Variants in VPS35L observed in about 807,000 individuals in gnomAD.
VPS35L encodes VPS35 endosomal protein sorting factor like, also known as VPS35 endosomal protein-sorting factor-like.
In VPS35L, 83 loss-of-function variants were observed where a neutral mutation model predicts 133.0. The ratio of observed to expected loss-of-function variants is 0.62; its 90% CI spans 0.52 to 0.75. The LOEUF (loss-of-function observed/expected upper bound fraction) is 0.75, where lower values mean the gene tolerates loss of function less well. Among genes scored for constraint, VPS35L ranks in the 30% least tolerant of loss-of-function variants. The probability of loss-of-function intolerance (pLI) is 0.00; values close to 1 mark genes in which losing one functional copy is unlikely to be tolerated. For missense variants in VPS35L, 1,083 were observed against 1,206.8 expected (o/e 0.90, Z 1.52); for synonymous variants, 423 against 449.9 (o/e 0.94, Z 0.76).
At chr16:19,561,764 C>T (rs890273691) in intron 1 of VPS35L, among the ~76,000 whole-genome samples, 1 of 152,080 alleles carries the variant, frequency 6.6e-6, no homozygotes, top group African/African-American at 2.4e-5. Flanking sequence ...AGCTGTTTTA[C>T]TGGGATGGGA....
At chr16:19,656,227 G>A (rs572897465) in intron 26 of VPS35L, among the ~76,000 whole-genome samples, 3 of 143,474 alleles carry the variant, frequency 2.1e-5, no homozygotes, top group African/African-American at 7.9e-5. Flanking sequence ...TATCACCACT[G>A]CACTCCAGCC....
At chr16:19,653,061 G>A (rs1209698438) in intron 26 of VPS35L, among the ~76,000 whole-genome samples, 1 of 152,232 alleles carries the variant, frequency 6.6e-6, no homozygotes, top group Non-Finnish European at 1.5e-5. Context: ...GGGAGGTGTT[G>A]TCAGACAGCC....
At chr16:19,601,557 A>C in intron 8 of VPS35L, 107 bp from the exon 9 acceptor site, 2 of 1,133,312 alleles carry the variant, frequency 1.8e-6, no homozygotes, top group South Asian at 2.9e-5. Flanking sequence ...TCACAAGTTA[A>C]AGCCTGTCTG....
chr16:19,616,349 G>A, intron 13 of VPS35L, among the ~76,000 whole-genome samples, 158 bp downstream of exon 13: 1 of 152,158 alleles, frequency 6.6e-6, no homozygotes, highest in East Asian at 1.9e-4. Flanking sequence ...CAATTAAAAT[G>A]TGTTGATTGT....
intron 5 of VPS35L, among the ~76,000 whole-genome samples, chr16:19,577,729 G>A (rs1313534132): frequency 6.6e-6 from 1 of 151,974 alleles, no homozygotes; most frequent in Non-Finnish European, 1.5e-5. Context: ...CATGAGGGTG[G>A]AACCCTCATG....
In VPS35L at chr16:19,639,379, A is replaced by G. The variant is rs1330634717; in HGVS notation, c.1699-636A>G. Among the ~76,000 whole-genome samples the G allele has an allele frequency of 6.6e-6, 1 of 152,208 alleles. No homozygotes were observed. The highest frequency in any genetic ancestry group is 2.4e-5 in the African/African-American group (1 of 41,454). Reference sequence around the variant, plus strand: ...GACTCTTCTTCCATTGCTCATCAATATAATCACAAAAAGACTGAAGTCTGC... The same window carrying G: ...GACTCTTCTTCCATTGCTCATCAATGTAATCACAAAAAGACTGAAGTCTGC... On this transcript the variant is annotated intron_variant, in intron 20 of 30. Transcript: ENST00000417362. The surrounding 1 kb of genome is among the most constrained non-coding windows in gnomAD (Gnocchi z 4.1).
chr16:19,647,947 C>A, intron 24 of VPS35L, 65 bp downstream of exon 24: 4 of 1,375,880 alleles, frequency 2.9e-6, no homozygotes, highest in South Asian at 1.2e-5. Context: ...ACATCCCAAT[C>A]ATTTATTTTG....
At chr16:19,677,546 T>C (rs974278825) in intron 27 of VPS35L, among the ~76,000 whole-genome samples, 3 of 152,068 alleles carry the variant, frequency 2.0e-5, no homozygotes, top group Non-Finnish European at 4.4e-5. Flanking sequence ...GAGAGGGCAT[T>C]CTGGGCCGAG....
In VPS35L at chr16:19,588,513, C is replaced by CT. The variant is rs140865700; in HGVS notation, c.640-3268dup. Among the ~76,000 whole-genome samples the CT allele has an allele frequency of 2.0e-5, 3 of 151,664 alleles. No individual in the cohort carries two copies. In the East Asian group the frequency reaches 5.8e-4, roughly 29 times the overall value. Reference sequence around the variant, plus strand: ...GGCCTGGGTGGTGTAAGTCTTTTAACTTTTTTTTTCTTCTTCTTTTTTTAA... The same window carrying CT: ...GGCCTGGGTGGTGTAAGTCTTTTAACTTTTTTTTTTCTTCTTCTTTTTTTAA... On this transcript the variant is annotated intron_variant, in intron 7 of 30. Coordinates refer to ENST00000417362, the MANE Select transcript of VPS35L (RefSeq NM_020314.7).
At chr16:19,641,501 A>G (rs565568841) in intron 21 of VPS35L, among the ~76,000 whole-genome samples, 1 of 152,340 alleles carries the variant, frequency 6.6e-6, no homozygotes, top group Admixed American at 6.5e-5. Flanking sequence ...TTTAAATATT[A>G]GGTGTATAGA....
At chr16:19,623,472 G>C (rs1973148828) in intron 14 of VPS35L, among the ~76,000 whole-genome samples, 1 of 152,104 alleles carries the variant, frequency 6.6e-6, no homozygotes, top group Non-Finnish European at 1.5e-5. Context: ...GTGATATTAG[G>C]GGTTAGGGCT....
chr16:19,635,395 A>C (rs932505960), intron 19 of VPS35L, among the ~76,000 whole-genome samples: 12 of 152,260 alleles, frequency 7.9e-5, no homozygotes, highest in Non-Finnish European at 1.2e-4. Flanking sequence ...AATAAAACCC[A>C]AAAACCCCAC....
chr16:19,627,668 C>T (rs758418066), intron 15 of VPS35L, 26 bp from the exon 16 acceptor site: 1 of 1,549,528 alleles, frequency 6.5e-7, no homozygotes, highest in Non-Finnish European at 8.9e-7. Context: ...AGAAGCCAGG[C>T]TGACTTGGGG....
intron 26 of VPS35L, among the ~76,000 whole-genome samples, chr16:19,663,085 A>AGATCACC (rs1261004580): frequency 1.3e-5 from 2 of 152,112 alleles, no homozygotes; most frequent in African/African-American, 4.8e-5. Context: ...AGAGGCGGGC[A>AGATCACC]GATCACCTGA....
intron 8 of VPS35L, among the ~76,000 whole-genome samples, chr16:19,595,319 G>T (rs1015625913): frequency 1.3e-5 from 2 of 152,150 alleles, no homozygotes; most frequent in Non-Finnish European, 2.9e-5. Flanking sequence ...GGCCCCGGGA[G>T]GCGGTGGAGA....
chr16:19,646,108 C>T (rs1220558534), intron 23 of VPS35L, among the ~76,000 whole-genome samples: 1 of 152,072 alleles, frequency 6.6e-6, no homozygotes, highest in African/African-American at 2.4e-5. Flanking sequence ...TCAAACTCTG[C>T]GGATCAGCTT....
At chr16:19,597,468 T>C (rs1400429967) in intron 8 of VPS35L, among the ~76,000 whole-genome samples, 3 of 152,014 alleles carry the variant, frequency 2.0e-5, no homozygotes, top group African/African-American at 7.2e-5. Context: ...AAGAAACCGA[T>C]AGAAATGGTT....
chr16:19,662,998 A>G (rs913170576), intron 26 of VPS35L, among the ~76,000 whole-genome samples: 2 of 136,216 alleles, frequency 1.5e-5, no homozygotes, highest in African/African-American at 6.7e-5. Flanking sequence ...CAAAAAAAAA[A>G]TAATAATAAT....
intron 1 of VPS35L, among the ~76,000 whole-genome samples, chr16:19,560,751 ATGCCAC>A (rs899418990): frequency 6.6e-6 from 1 of 151,890 alleles, no homozygotes; most frequent in Non-Finnish European, 1.5e-5. Context: ...AGCCGAGATC[ATGCCAC>A]TGCACTCCAT....
Sources: allele counts gnomAD v4.1 joint callset (sites outside exome capture counted in the v4.1 genomes callset), GRCh38; gene constraint gnomAD v4.1.1; non-coding constraint Gnocchi (gnomAD v3.1); transcripts MANE v1.5; gene names NCBI Gene and HGNC (gene_info 2026-07-23, HGNC 2026-07-21).